AFF3: variants seen among roughly 807,000 people sequenced by gnomAD.
AFF3 encodes the protein AF4/FMR2 family member 3.
AFF3 carries 32 observed loss-of-function variants against 129.7 expected under a neutral mutation model. That is an observed-to-expected ratio of 0.25 (90% CI 0.19 to 0.33). The LOEUF is 0.33. Among genes scored for constraint, AFF3 ranks in the 10% least tolerant of loss-of-function variants. The probability of loss-of-function intolerance (pLI) is 1.00; values close to 1 mark genes in which losing one functional copy is unlikely to be tolerated. For synonymous variants in AFF3, 644 were observed against 635.4 expected (o/e 1.01, Z -0.20); for missense variants, 1,373 against 1,592.0 (o/e 0.86, Z 2.34).
chr2:99,913,091 T>A (rs1695216484), intron 7 of AFF3, among the ~76,000 whole-genome samples: 1 of 152,178 alleles, frequency 6.6e-6, no homozygotes, highest in Non-Finnish European at 1.5e-5. Flanking sequence ...CCCCTTCAGT[T>A]CAGAGGGGAA....
chr2:100,038,576 G>C lies in AFF3; in HGVS notation c.54-29644C>G, dbSNP rs143762553. 5.5e-3 allele frequency among the ~76,000 whole-genome samples: 834 copies of C among 152,214 alleles called. 6 individuals carry two copies. The highest frequency in any genetic ancestry group is 9.1e-3 in the Non-Finnish European group (622 of 67,998). On this transcript the variant is annotated intron_variant, in intron 4 of 24. Coordinates refer to ENST00000672756, the MANE Select transcript of AFF3 (RefSeq NM_001386135.1). Reference sequence around the variant, plus strand: ...CATGTGGCTTGCAGTTGAGGGGACAGAGGCTGGGCACGGGTCCAAAATCTC... The same window carrying C: ...CATGTGGCTTGCAGTTGAGGGGACACAGGCTGGGCACGGGTCCAAAATCTC...
intron 2 of AFF3, among the ~76,000 whole-genome samples, chr2:100,125,042 C>T (rs993256474): frequency 6.6e-6 from 1 of 152,060 alleles, no homozygotes; most frequent in Non-Finnish European, 1.5e-5. Flanking sequence ...AAAAGGTAAA[C>T]ATGTATCTGG....
intron 12 of AFF3, among the ~76,000 whole-genome samples, chr2:99,666,050 T>C (rs1686643987): frequency 6.6e-6 from 1 of 151,968 alleles, no homozygotes; most frequent in Non-Finnish European, 1.5e-5. Context: ...TGGATGAACT[T>C]TGGATAGGAG....
chr2:99,946,473 TAAAAAAAAAAAAAAAAAAAA>T (rs55672296), intron 7 of AFF3, among the ~76,000 whole-genome samples: 18 of 50,486 alleles, frequency 3.6e-4, no homozygotes, highest in Admixed American at 5.2e-4. Context: ...GACGCCATCT[TAAAAAAAAAAAAAAAAAAAA>T]AAAAAAAAAA....
intron 4 of AFF3, among the ~76,000 whole-genome samples, chr2:100,016,674 G>C (rs1683127125): frequency 1.3e-5 from 2 of 149,386 alleles, no homozygotes; most frequent in Non-Finnish European, 3.0e-5. Flanking sequence ...AGTGGTGATG[G>C]TACTGGCAGT....
intron 11 of AFF3, among the ~76,000 whole-genome samples, chr2:99,691,194 T>A (rs1347220640): frequency 1.3e-5 from 2 of 152,176 alleles, no homozygotes; most frequent in Non-Finnish European, 2.9e-5. Flanking sequence ...CATCTCAGGC[T>A]GCTGGATTAC....
intron 11 of AFF3, among the ~76,000 whole-genome samples, chr2:99,690,143 A>G (rs1008066573): frequency 5.7e-5 from 8 of 140,410 alleles, no homozygotes; most frequent in African/African-American, 1.0e-4. Flanking sequence ...TAAATTTATA[A>G]TAACCACAAT....
At chr2:99,681,824 T>C (rs935382012) in intron 11 of AFF3, among the ~76,000 whole-genome samples, 9 of 151,842 alleles carry the variant, frequency 5.9e-5, no homozygotes, top group African/African-American at 1.5e-4. Context: ...TTTTTTTTTT[T>C]ACAGTAGCCT....
At chr2:99,684,938 TTTC>T (rs1267704445) in intron 11 of AFF3, among the ~76,000 whole-genome samples, 17 of 145,100 alleles carry the variant, frequency 1.2e-4, no homozygotes, top group Admixed American at 2.0e-4. Flanking sequence ...TTTTTCTTTC[TTTC>T]TTTTTTTTTT....
intron 4 of AFF3, among the ~76,000 whole-genome samples, chr2:100,080,889 AG>A (rs1256694599): frequency 6.6e-6 from 1 of 152,202 alleles, no homozygotes; most frequent in South Asian, 2.1e-4. Flanking sequence ...GCTGGCAATC[AG>A]GATCAAGGAA....
chr2:99,644,808 A>G (rs922208930), intron 13 of AFF3, among the ~76,000 whole-genome samples: 1 of 152,248 alleles, frequency 6.6e-6, no homozygotes, highest in Admixed American at 6.5e-5. Flanking sequence ...GGCACTTTGC[A>G]TATTTTCCAC....
At chr2:99,988,524 A>G (rs962273617) in intron 7 of AFF3, among the ~76,000 whole-genome samples, 1 of 152,340 alleles carries the variant, frequency 6.6e-6, no homozygotes, top group Non-Finnish European at 1.5e-5. Context: ...GTTTTCTAGC[A>G]TAAGTTTCCC....
At chr2:99,731,208 T>G (rs918212768) in intron 10 of AFF3, among the ~76,000 whole-genome samples, 1 of 152,192 alleles carries the variant, frequency 6.6e-6, no homozygotes, top group Admixed American at 6.5e-5. Flanking sequence ...TCTGCCCTCC[T>G]TGGCTTCCCA....
chr2:99,651,937 C>T lies in AFF3; in HGVS notation c.1144-2271G>A, dbSNP rs545256803. Among the ~76,000 whole-genome samples, 12 of 152,228 alleles carry T rather than the reference C, an allele frequency of 7.9e-5. No individual in the cohort carries two copies. In the South Asian group the frequency reaches 2.3e-3, roughly 29 times the overall value. ...TAAAAATAAAAGTAGAAGCAGTTATCGTCCCAGAAAAGCTCCTTCCTAAGG... is the reference window on the plus strand; with the variant it reads ...TAAAAATAAAAGTAGAAGCAGTTATTGTCCCAGAAAAGCTCCTTCCTAAGG... On this transcript the variant is annotated intron_variant, in intron 12 of 24. Transcript: ENST00000672756.
intron 7 of AFF3, among the ~76,000 whole-genome samples, chr2:99,924,477 T>C (rs752521428): frequency 6.6e-6 from 1 of 152,212 alleles, no homozygotes; most frequent in African/African-American, 2.4e-5. Context: ...AGGCTCTAAG[T>C]TCCTCTCTAG....
rs1382188133 is a variant in AFF3 at position 99,549,357 on chromosome 2, G to A, written c.*2117C>T. 2 of 185,872 alleles carry A rather than the reference G, an allele frequency of 1.1e-5. No homozygotes were observed. Among genetic ancestry groups the A allele is most frequent in the Non-Finnish European group, 2.3e-5 (2 of 87,876 alleles). 11.5% of individuals were successfully genotyped at this position (185,872 alleles called of 1,614,324 possible). A position where few individuals can be genotyped will look rare whatever the true frequency, so the allele number is the denominator to read the frequency against. On this transcript the variant is annotated 3_prime_UTR_variant, in exon 25 of 25. Transcript: ENST00000672756. ...CACAACACTTTGGGAGGTGGAGGCG[G>A]GTAGATCACCTGAGGTCAGGAGTTT...
At chr2:99,960,519 T>C (rs1315067625) in intron 7 of AFF3, among the ~76,000 whole-genome samples, 3 of 152,242 alleles carry the variant, frequency 2.0e-5, no homozygotes, top group Admixed American at 2.0e-4. Flanking sequence ...TGAGATGCTA[T>C]GCTTTATCAA....
intron 7 of AFF3, among the ~76,000 whole-genome samples, chr2:99,961,834 C>T (rs1677243779): frequency 1.3e-5 from 2 of 152,210 alleles, no homozygotes; most frequent in Admixed American, 6.5e-5. Context: ...TGCATTCCTT[C>T]TGCAAATTGA....
intron 4 of AFF3, among the ~76,000 whole-genome samples, chr2:100,058,666 C>T (rs531139046): frequency 6.6e-6 from 1 of 152,048 alleles, no homozygotes; most frequent in Non-Finnish European, 1.5e-5. Flanking sequence ...CTTCCTCGTA[C>T]TATAAACAAA....
Sources: allele counts gnomAD v4.1 joint callset (sites outside exome capture counted in the v4.1 genomes callset), GRCh38; gene constraint gnomAD v4.1.1; transcripts MANE v1.5; gene names NCBI Gene and HGNC (gene_info 2026-07-23, HGNC 2026-07-21).